Variants in NRXN1 observed in about 807,000 individuals in gnomAD.
NRXN1 encodes neurexin-1.
In NRXN1, 39 loss-of-function variants were observed where a neutral mutation model predicts 150.9. That is an observed-to-expected ratio of 0.26 (90% CI 0.20 to 0.34). The LOEUF is 0.34. NRXN1 is among the 10% of genes least tolerant of loss of function. The probability of loss-of-function intolerance (pLI) is 1.00; values close to 1 mark genes in which losing one functional copy is unlikely to be tolerated. For synonymous variants in NRXN1, 924 were observed against 757.0 expected (o/e 1.22, Z -3.62); for missense variants, 1,815 against 1,949.9 (o/e 0.93, Z 1.30).
intron 5 of NRXN1, among the ~76,000 whole-genome samples, chr2:50,797,320 G>A (rs1385859019): frequency 6.6e-6 from 1 of 152,054 alleles, no homozygotes; most frequent in Non-Finnish European, 1.5e-5. Flanking sequence ...GGTGTAGACA[G>A]TAGTTCTCAA....
chr2:50,386,306 A>G (rs2081322139), intron 17 of NRXN1, among the ~76,000 whole-genome samples: 1 of 152,130 alleles, frequency 6.6e-6, no homozygotes, highest in Non-Finnish European at 1.5e-5. Context: ...AGTGCAAAAT[A>G]TTGGAGATTT....
intron 12 of NRXN1, among the ~76,000 whole-genome samples, chr2:50,519,307 A>G (rs1222813379): frequency 6.6e-6 from 1 of 151,940 alleles, no homozygotes; most frequent in Non-Finnish European, 1.5e-5. Flanking sequence ...TCATCACTGG[A>G]TTATTTATTA....
At chr2:50,475,550 C>G (rs1019693362) in intron 15 of NRXN1, among the ~76,000 whole-genome samples, 4 of 152,026 alleles carry the variant, frequency 2.6e-5, no homozygotes, top group Non-Finnish European at 4.4e-5. Context: ...TTGAAGAGAA[C>G]TAGTAATCTT....
chr2:50,257,493 A>G (rs2067816055), intron 17 of NRXN1, among the ~76,000 whole-genome samples: 1 of 152,062 alleles, frequency 6.6e-6, no homozygotes, highest in Admixed American at 6.6e-5. Context: ...ATCTTCTCCC[A>G]GCTTTTTGCC....
At chr2:50,113,228 G>A (rs764504134) in intron 18 of NRXN1, among the ~76,000 whole-genome samples, 7 of 152,124 alleles carry the variant, frequency 4.6e-5, no homozygotes, top group South Asian at 2.1e-4. Context: ...TACCTTTCCC[G>A]CAGCCATCAT....
At chr2:50,612,682 G>A (rs1445924228) in intron 8 of NRXN1, among the ~76,000 whole-genome samples, 1 of 152,154 alleles carries the variant, frequency 6.6e-6, no homozygotes, top group African/African-American at 2.4e-5. Flanking sequence ...TAGGCACATT[G>A]AGGCACTACA....
At chr2:50,400,656 C>T (rs570903828) in intron 17 of NRXN1, among the ~76,000 whole-genome samples, 2 of 152,054 alleles carry the variant, frequency 1.3e-5, no homozygotes, top group Non-Finnish European at 2.9e-5. Context: ...CACTAACAAA[C>T]ATGTCAGTGT....
intron 5 of NRXN1, among the ~76,000 whole-genome samples, chr2:50,848,820 G>A (rs1674077486): frequency 6.6e-6 from 1 of 152,152 alleles, no homozygotes; most frequent in Non-Finnish European, 1.5e-5. Context: ...GAACTCCAGG[G>A]ATTAGTGCAT....
chr2:50,601,260 A>G (rs1292809072), intron 8 of NRXN1, among the ~76,000 whole-genome samples: 1 of 152,200 alleles, frequency 6.6e-6, no homozygotes, highest in Non-Finnish European at 1.5e-5. Context: ...AGTAAATTAA[A>G]TCAGTGTGTT....
intron 22 of NRXN1, among the ~76,000 whole-genome samples, chr2:49,927,966 T>C (rs535042800): frequency 1.3e-5 from 2 of 152,164 alleles, no homozygotes; most frequent in African/African-American, 4.8e-5. Flanking sequence ...AGACTGTTAA[T>C]GTATGTGTAT....
intron 15 of NRXN1, 144 bp from the exon 16 acceptor site, chr2:50,472,615 C>T: frequency 1.6e-6 from 1 of 609,060 alleles, no homozygotes; most frequent in Non-Finnish European, 2.8e-6. Flanking sequence ...CCCCAAAGTG[C>T]TAAACAATAG....
intron 17 of NRXN1, among the ~76,000 whole-genome samples, chr2:50,389,843 C>T (rs921905092): frequency 5.3e-5 from 8 of 152,050 alleles, no homozygotes; most frequent in Admixed American, 5.2e-4. Context: ...TAACCCAAAC[C>T]CCAGGGAAGG....
intron 13 of NRXN1, among the ~76,000 whole-genome samples, chr2:50,503,125 T>C (rs945332196): frequency 1.1e-4 from 16 of 151,986 alleles, no homozygotes; most frequent in African/African-American, 2.9e-4. Context: ...CTGGCCAACA[T>C]GGTGAAACCT....
At chr2:50,680,479 T>C (rs1390727935) in intron 5 of NRXN1, among the ~76,000 whole-genome samples, 2 of 152,024 alleles carry the variant, frequency 1.3e-5, no homozygotes, top group African/African-American at 2.4e-5. Context: ...ATAGGTAAAA[T>C]ACAGTTAAAG....
intron 18 of NRXN1, among the ~76,000 whole-genome samples, chr2:50,227,989 T>C (rs2064562229): frequency 6.6e-6 from 1 of 152,036 alleles, no homozygotes; most frequent in African/African-American, 2.4e-5. Context: ...ACTGTAGATA[T>C]AACAAAATAT....
chr2:50,963,255 A>G (rs1693495338), intron 2 of NRXN1, among the ~76,000 whole-genome samples: 1 of 151,548 alleles, frequency 6.6e-6, no homozygotes, highest in African/African-American at 2.4e-5. Context: ...AACAAACAAC[A>G]ACAACAAAAG....
intron 5 of NRXN1, chr2:50,630,961 A>G: frequency 1.1e-5 from 4 of 355,008 alleles, no homozygotes; most frequent in South Asian, 9.6e-5. Flanking sequence ...AGAAAAGCAG[A>G]AAAGGAATGT....
intron 5 of NRXN1, among the ~76,000 whole-genome samples, chr2:50,710,722 G>A (rs1695035954): frequency 6.6e-6 from 1 of 152,170 alleles, no homozygotes; most frequent in African/African-American, 2.4e-5. Context: ...TTGCTGGTAA[G>A]TGAGCACACA....
intron 19 of NRXN1, among the ~76,000 whole-genome samples, chr2:50,077,444 C>G (rs188124265): frequency 1.7e-4 from 26 of 151,120 alleles, no homozygotes; most frequent in African/African-American, 6.4e-4. Context: ...CTCATTCTGC[C>G]TTTCTTTTTT....
Sources: gnomAD v4.1 joint callset for allele counts (sites outside exome capture counted in the v4.1 genomes callset) on GRCh38, gnomAD v4.1.1 for gene constraint, MANE v1.5 for transcripts, NCBI Gene and HGNC (gene_info 2026-07-23, HGNC 2026-07-21) for gene names.